OTUD3: variants seen among roughly 807,000 people sequenced by gnomAD.
The protein encoded by OTUD3 is OTU domain-containing protein 3.
OTUD3 carries 24 observed loss-of-function variants against 46.2 expected under a neutral mutation model. The ratio of observed to expected loss-of-function variants is 0.52; its 90% confidence interval spans 0.38 to 0.73. The LOEUF (loss-of-function observed/expected upper bound fraction) is 0.73, where lower values mean the gene tolerates loss of function less well. Ranked by LOEUF, OTUD3 falls within the 30% of genes least tolerant of loss-of-function variation. The pLI, the probability that OTUD3 is intolerant of heterozygous loss-of-function variation, is 0.00. For synonymous variants in OTUD3, 189 were observed against 195.4 expected (o/e 0.97, Z 0.27); for missense variants, 455 against 523.3 (o/e 0.87, Z 1.27).
intron 2 of OTUD3, among the ~76,000 whole-genome samples, chr1:19,892,994 A>G (rs1046167140): frequency 2.6e-5 from 4 of 152,016 alleles, no homozygotes; most frequent in African/African-American, 7.3e-5. Flanking sequence ...AGTTCCTGCC[A>G]TATTAGAGTT....
At chr1:19,882,778 C>T (rs982573360) in intron 1 of OTUD3, 44 bp downstream of exon 1, 1 of 1,265,406 alleles carries the variant, frequency 7.9e-7, no homozygotes, top group African/African-American at 1.6e-5. Context: ...GGGGGACGCG[C>T]CGGGCTCGGC....
chr1:19,887,974 T>G (rs1315633022), intron 1 of OTUD3, among the ~76,000 whole-genome samples: 2 of 152,208 alleles, frequency 1.3e-5, no homozygotes, highest in Non-Finnish European at 2.9e-5. Flanking sequence ...ACTCAAAACA[T>G]TTGCGTGCTC....
intron 4 of OTUD3, among the ~76,000 whole-genome samples, chr1:19,901,996 A>G (rs1224532872): frequency 6.6e-6 from 1 of 152,186 alleles, no homozygotes; most frequent in African/African-American, 2.4e-5. Context: ...GTATTTTTAC[A>G]AATACCTATT....
chr1:19,903,040 C>CTTTTTTT (rs36114504), intron 4 of OTUD3, among the ~76,000 whole-genome samples: 14 of 58,048 alleles, frequency 2.4e-4, no homozygotes, highest in South Asian at 8.8e-4. Context: ...AATCTTTTCT[C>CTTTTTTT]TTTTTTTTTT....
intron 1 of OTUD3, among the ~76,000 whole-genome samples, chr1:19,887,295 G>A (rs1299335914): frequency 6.6e-6 from 1 of 152,046 alleles, no homozygotes; most frequent in East Asian, 1.9e-4. Flanking sequence ...TGTTGGTCAG[G>A]CTGGTTTCAA....
At chr1:19,900,329 C>T (rs764987375) in intron 4 of OTUD3, among the ~76,000 whole-genome samples, 1 of 151,972 alleles carries the variant, frequency 6.6e-6, no homozygotes, top group Non-Finnish European at 1.5e-5. Flanking sequence ...TAGCTGGGAC[C>T]ACAGCTGTGT....
chr1:19,907,915 T>C lies in OTUD3; in HGVS notation c.*169T>C. ...AAGCTGCCTCTTTTTTTGTTCGAAG[T>C]TTTATTAGTGATATGTTGGTGTTTT... On this transcript the variant is annotated 3_prime_UTR_variant, in exon 8 of 8. Transcript: ENST00000375120. 1 of 542,752 alleles carries C rather than the reference T, an allele frequency of 1.8e-6. No homozygotes were observed. Among genetic ancestry groups the C allele is most frequent in the Non-Finnish European group, 3.2e-6 (1 of 312,266 alleles). 33.6% of individuals were successfully genotyped at this position (542,752 alleles called of 1,614,324 possible).
At position 19,908,781 on chromosome 1, in the gene OTUD3, T is replaced by G. The variant is rs942315298; in HGVS notation, c.*1035T>G. The stretch of plus-strand genomic sequence containing the variant: ...TCGCTAAACTTAGTATTGTGGAAAT[T>G]AAATCTTATAAAATGCTACATTTAT... On this transcript the variant is annotated 3_prime_UTR_variant, in exon 8 of 8. Coordinates refer to ENST00000375120, the MANE Select transcript of OTUD3 (RefSeq NM_015207.2). The G allele has an allele frequency of 6.6e-6, 1 of 152,394 alleles. No individual in the cohort carries two copies. Among genetic ancestry groups the G allele is most frequent in the Non-Finnish European group, 1.5e-5 (1 of 68,046 alleles). 9.4% of individuals were successfully genotyped at this position (152,394 alleles called of 1,614,324 possible). A position where few individuals can be genotyped will look rare whatever the true frequency, so the allele number is the denominator to read the frequency against.
At chr1:19,892,888 T>C (rs2045467294) in intron 2 of OTUD3, among the ~76,000 whole-genome samples, 1 of 152,194 alleles carries the variant, frequency 6.6e-6, no homozygotes, top group Non-Finnish European at 1.5e-5. Context: ...TTTTTAGTTC[T>C]TCATGATCTG....
intron 3 of OTUD3, among the ~76,000 whole-genome samples, chr1:19,896,000 C>G (rs921236053): frequency 6.6e-6 from 1 of 151,950 alleles, no homozygotes; most frequent in South Asian, 2.1e-4. Context: ...GAATTTATTT[C>G]TGTAGTGTTC....
At chr1:19,898,775 G>A (rs1452166050) in intron 4 of OTUD3, among the ~76,000 whole-genome samples, 1 of 149,338 alleles carries the variant, frequency 6.7e-6, no homozygotes, top group African/African-American at 2.5e-5. Context: ...TTTTTTTCCT[G>A]TTTTTACACA....
intron 1 of OTUD3, among the ~76,000 whole-genome samples, chr1:19,883,697 T>G (rs2045312410): frequency 6.6e-6 from 1 of 152,108 alleles, no homozygotes; most frequent in South Asian, 2.1e-4. Context: ...CCCAGGCTGG[T>G]CTCGAACTCC....
chr1:19,890,670 G>C, intron 2 of OTUD3, 137 bp downstream of exon 2: 1 of 841,624 alleles, frequency 1.2e-6, no homozygotes, highest in South Asian at 1.6e-5. Context: ...ATATTTGTTT[G>C]CCTACTTGGT....
chr1:19,894,231 ACT>A, intron 2 of OTUD3, 135 bp from the exon 3 acceptor site: 1 of 546,798 alleles, frequency 1.8e-6, no homozygotes. Context: ...AAATTCCTAG[ACT>A]CTGACAAAGT....
At chr1:19,890,606 C>T in intron 2 of OTUD3, 73 bp downstream of exon 2, 1 of 1,300,526 alleles carries the variant, frequency 7.7e-7, no homozygotes, top group African/African-American at 1.5e-5. Context: ...GCATCCTCCC[C>T]CCTCCCAGCC....
At chr1:19,900,306 C>T (rs867072528) in intron 4 of OTUD3, among the ~76,000 whole-genome samples, 1 of 152,092 alleles carries the variant, frequency 6.6e-6, no homozygotes, top group Non-Finnish European at 1.5e-5. Context: ...CAGGCTCAAG[C>T]GATCCTCCTG....
intron 5 of OTUD3, 66 bp from the exon 6 acceptor site, chr1:19,904,823 TAG>T (rs2045635658): frequency 1.3e-6 from 1 of 748,132 alleles, no homozygotes; most frequent in Non-Finnish European, 2.3e-6. Context: ...ATTATTGAAG[TAG>T]AGCTAGGCAG....
intron 3 of OTUD3, among the ~76,000 whole-genome samples, chr1:19,896,007 G>A (rs1339717): frequency 0.22 from 33,463 of 151,862 alleles, 3,941 homozygotes; most frequent in Non-Finnish European, 0.28. Context: ...TTTCTGTAGT[G>A]TTCTCTTTCA....
In OTUD3 at chr1:19,906,491, G is replaced by A; in HGVS notation, c.895G>A (p.Glu299Lys). 1 of 1,614,106 alleles carries A rather than the reference G, an allele frequency of 6.2e-7. No individual in the cohort carries two copies. Among genetic ancestry groups the A allele is most frequent in the Non-Finnish European group, 8.5e-7 (1 of 1,179,996 alleles). Reference protein sequence around the residue: ...RVLKQCGPLWEEGGSGARIFG... With the variant: ...RVLKQCGPLWKEGGSGARIFG... ...GCTGAAGCAGTGTGGCCCTTTGTGG[G>A]AGGAGGGTGGCAGTGGTGCCAGAAT... Residue 299 changes from glutamate to lysine, a missense_variant, in exon 7 of 8, where the codon GAG (glutamate) becomes AAG (lysine). Glu to Lys is a moderately conservative substitution (Grantham distance 56). Transcript: ENST00000375120.
Sources: allele counts gnomAD v4.1 joint callset (sites outside exome capture counted in the v4.1 genomes callset), GRCh38; gene constraint gnomAD v4.1.1; transcripts MANE v1.5; gene names NCBI Gene and HGNC (gene_info 2026-07-23, HGNC 2026-07-21).